Variants in NUP42 observed in about 807,000 individuals in gnomAD.
NUP42 encodes the protein nucleoporin NUP42.
Under a neutral mutation model 35.9 loss-of-function variants are expected in NUP42, and 47 were observed. The observed-to-expected ratio is 1.31, with a 90% CI of 1.04 to 1.67. The LOEUF is 1.67. Among genes scored for constraint, NUP42 ranks in the 40% most tolerant of loss-of-function variants. The pLI is 0.00. For synonymous variants in NUP42, 173 were observed against 173.3 expected, an observed-to-expected ratio of 1.00 and a Z score of 0.01; for missense variants, 514 against 492.2, an observed-to-expected ratio of 1.04 and a Z score of -0.42.
At position 23,185,157 on chromosome 7, in the gene NUP42, G is replaced by C. The variant is rs766461516; in HGVS notation, c.209G>C (p.Gly70Ala). 9 of 1,614,006 alleles carry C rather than the reference G, an allele frequency of 5.6e-6. No homozygotes were observed. The highest frequency in any genetic ancestry group is 1.6e-4 in the Middle Eastern group (1 of 6,084). Reference sequence around the variant, plus strand: ...AGTTTCTCCAAATCCACACCATGGGGGGGCAGCAGAGATCAAGAAAAGCCA... The same window carrying C: ...AGTTTCTCCAAATCCACACCATGGGCGGGCAGCAGAGATCAAGAAAAGCCA... Reference protein sequence around the residue: ...PSSFSKSTPWGGSRDQEKPYF... With the variant: ...PSSFSKSTPWAGSRDQEKPYF... The change falls in exon 2 of 7, where the codon GGG becomes GCG. Residue 70 changes from glycine (G) to alanine (A), a missense_variant. Gly to Ala is a moderately conservative substitution (Grantham distance 60). Coordinates refer to ENST00000258742, the MANE Select transcript of NUP42 (RefSeq NM_007342.3).
intron 3 of NUP42, among the ~76,000 whole-genome samples, chr7:23,193,167 C>G (rs1036046210): frequency 1.1e-4 from 17 of 152,098 alleles, no homozygotes; most frequent in Middle Eastern, 3.2e-3. Context: ...AGTGTTACAG[C>G]TCATAAAGGC....
chr7:23,182,340 C>T (rs1785437289), intron 1 of NUP42, 134 bp downstream of exon 1: 1 of 1,454,998 alleles, frequency 6.9e-7, no homozygotes, highest in Non-Finnish European at 9.0e-7. Context: ...CCTACTGGGC[C>T]CTGCACAACG....
At chr7:23,187,238 C>G in intron 3 of NUP42, 92 bp downstream of exon 3, 1 of 816,286 alleles carries the variant, frequency 1.2e-6, no homozygotes, top group East Asian at 2.5e-5. Context: ...CAACTACCAA[C>G]TTAGCTACAA....
Position 23,196,753 on chromosome 7 carries a change from C to T in NUP42, c.596C>T (p.Thr199Ile). 1.9e-6 allele frequency: 3 copies of T among 1,605,008 alleles called. No homozygotes were observed. Among genetic ancestry groups the T allele is most frequent in the African/African-American group, 1.3e-5 (1 of 74,858 alleles). ...VNELKSLNIS[T>I]KVALLSDVKD... is the part of the protein sequence containing the mutation. ...GAACTGAAAAGTCTAAATATATCAACTAAAGTAGCTTTGGTGAGTATGGGA... is the reference window on the plus strand; with the variant it reads ...GAACTGAAAAGTCTAAATATATCAATTAAAGTAGCTTTGGTGAGTATGGGA... The change falls in exon 5 of 7, where the codon ACT (threonine) becomes ATT (isoleucine). Residue 199 changes from threonine to isoleucine, a missense_variant. Thr to Ile is a moderately conservative substitution (Grantham distance 89). Coordinates refer to ENST00000258742, the MANE Select transcript of NUP42 (RefSeq NM_007342.3).
intron 5 of NUP42, among the ~76,000 whole-genome samples, chr7:23,197,546 G>T (rs773847909): frequency 1.7e-4 from 26 of 152,288 alleles, no homozygotes; most frequent in Middle Eastern, 3.4e-3. Flanking sequence ...GAAGTAGTCT[G>T]TCCTTGTGTG....
intron 3 of NUP42, among the ~76,000 whole-genome samples, chr7:23,192,529 A>G (rs1355778844): frequency 1.3e-5 from 2 of 149,016 alleles, no homozygotes; most frequent in African/African-American, 5.0e-5. Context: ...CCTGGGCAAC[A>G]GAGCAAGACT....
intron 2 of NUP42, among the ~76,000 whole-genome samples, chr7:23,185,894 C>T (rs1785576438): frequency 6.6e-6 from 1 of 152,194 alleles, no homozygotes. Flanking sequence ...CTCCTGCCAC[C>T]AAGCCAGCTA....
intron 3 of NUP42, among the ~76,000 whole-genome samples, chr7:23,189,242 T>C (rs1321845630): frequency 6.6e-6 from 1 of 152,234 alleles, no homozygotes; most frequent in East Asian, 1.9e-4. Flanking sequence ...AAAATTGAAA[T>C]TACGGAAAAC....
At chr7:23,188,412 T>A (rs1044165621) in intron 3 of NUP42, 26 of 984,846 alleles carry the variant, frequency 2.6e-5, no homozygotes, top group Middle Eastern at 5.2e-4. Context: ...GATAATGATA[T>A]TTTCTATAAA....
At chr7:23,193,174 A>G (rs1399709091) in intron 3 of NUP42, among the ~76,000 whole-genome samples, 1 of 152,146 alleles carries the variant, frequency 6.6e-6, no homozygotes, top group African/African-American at 2.4e-5. Flanking sequence ...CAGCTCATAA[A>G]GGCAATGTGG....
At chr7:23,194,016 C>G (rs933853624) in intron 3 of NUP42, among the ~76,000 whole-genome samples, 3 of 152,248 alleles carry the variant, frequency 2.0e-5, no homozygotes, top group Admixed American at 2.0e-4. Flanking sequence ...GCCGGCAGCT[C>G]TGAGTGTGGG....
rs769413880 is a variant in NUP42 at position 23,182,207 on chromosome 7, G to A, written c.121+1G>A. 9 of 1,605,040 alleles carry A rather than the reference G, an allele frequency of 5.6e-6. No individual in the cohort carries two copies. Among genetic ancestry groups the A allele is most frequent in the South Asian group, 2.2e-5 (2 of 90,220 alleles). On this transcript the variant is annotated splice_donor_variant, in intron 1 of 6. Transcript: ENST00000258742. LOFTEE classifies it high-confidence loss of function. ...CAGCAACCGCAGCAGCAGCCTTCAG[G>A]TGACTCTCCTCTGAATCCTCCGCGG...
chr7:23,186,641 A>G (rs1436379133), intron 2 of NUP42, among the ~76,000 whole-genome samples: 1 of 152,226 alleles, frequency 6.6e-6, no homozygotes, highest in South Asian at 2.1e-4. Context: ...GATGTTTGTG[A>G]TAATTAACAA....
In NUP42 at chr7:23,200,104, T is replaced by A. The variant is rs189374272; in HGVS notation, c.695-64T>A. The A allele has an allele frequency of 8.6e-4, 983 of 1,142,588 alleles. 6 individuals are homozygous for A. In the African/African-American group the frequency reaches 0.014, roughly 17 times the overall value. 70.8% of individuals were successfully genotyped at this position (1,142,588 alleles called of 1,614,324 possible). A position where few individuals can be genotyped will look rare whatever the true frequency, so the allele number is the denominator to read the frequency against. ...AAAAAAAGATAGGGGGAGGAAATAA[T>A]TGTGACATTTTTCTGACCGTAATAG... is the stretch of plus-strand genomic sequence containing the variant. On this transcript the variant is annotated intron_variant, in intron 6 of 6. Coordinates refer to ENST00000258742, the MANE Select transcript of NUP42 (RefSeq NM_007342.3).
At chr7:23,197,246 T>C in intron 5 of NUP42, 2 of 1,288,502 alleles carry the variant, frequency 1.6e-6, no homozygotes, top group Non-Finnish European at 2.1e-6. Flanking sequence ...TTCATTATCT[T>C]TGTAAATAAA....
At position 23,197,060 on chromosome 7, in the gene NUP42, AG is replaced by A. The variant is rs972563875; in HGVS notation, c.609+296del. The stretch of plus-strand genomic sequence containing the variant: ...ACTATTACATAAGTTTAAGTATTTA[AG>A]GTTATCTGTATGTAAAAAGAAATTA... On this transcript the variant is annotated intron_variant, in intron 5 of 6. Transcript: ENST00000258742. 8.6e-5 allele frequency: 41 copies of A among 477,900 alleles called. 1 individual carries two copies. The highest frequency in any genetic ancestry group is 1.4e-4 in the Non-Finnish European group (38 of 273,312). The allele number at this position is 477,900 out of a possible 1,614,324, so 29.6% of individuals were successfully genotyped here.
At position 23,200,734 on chromosome 7, in the gene NUP42, C is replaced by A. The variant is rs180753026; in HGVS notation, c.1261C>A (p.Leu421Ile). The change falls in exon 7 of 7, where the codon CTA becomes ATA. Residue 421 changes from leucine to isoleucine, a missense_variant. By Grantham distance (5) the Leu-to-Ile change is conservative. Transcript: ENST00000258742. Reference protein sequence around the residue: ...IPLKPPPLELLNV With the variant: ...IPLKPPPLELINV ...ATTAAAGCCTCCACCTCTGGAACTT[C>A]TAAATGTTTAAAAGGGCAATTTTAA... 2.9e-5 allele frequency: 45 copies of A among 1,573,122 alleles called. No individual in the cohort carries two copies. Among genetic ancestry groups the A allele is most frequent in the Middle Eastern group, 1.7e-4 (1 of 5,886 alleles).
intron 3 of NUP42, among the ~76,000 whole-genome samples, chr7:23,189,811 G>A (rs1785728064): frequency 6.6e-6 from 1 of 151,602 alleles, no homozygotes; most frequent in South Asian, 2.1e-4. Context: ...TACTTGGGAG[G>A]CTGAGGCAGG....
intron 3 of NUP42, 43 bp from the exon 4 acceptor site, chr7:23,195,796 A>T: frequency 7.9e-7 from 1 of 1,262,122 alleles, no homozygotes; most frequent in East Asian, 2.4e-5. Flanking sequence ...TATCAAAATT[A>T]TTGGCATTTA....
Sources: gnomAD v4.1 joint callset for allele counts (sites outside exome capture counted in the v4.1 genomes callset) on GRCh38, gnomAD v4.1.1 for gene constraint, MANE v1.5 for transcripts, NCBI Gene and HGNC (gene_info 2026-07-23, HGNC 2026-07-21) for gene names.